Variants in CLUAP1 observed in about 807,000 individuals in gnomAD.
CLUAP1 encodes the protein clusterin-associated protein 1.
Under a neutral mutation model 55.0 loss-of-function variants are expected in CLUAP1, and 50 were observed. That is an observed-to-expected ratio of 0.91 (90% CI 0.72 to 1.15). The LOEUF is 1.15. Ranked by LOEUF, CLUAP1 falls within the 50% of genes most tolerant of loss-of-function variation. CLUAP1 has a pLI of 0.00. For missense variants in CLUAP1, 530 were observed against 507.6 expected (o/e 1.04, Z -0.42); for synonymous variants, 195 against 175.4 (o/e 1.11, Z -0.88).
At chr16:3,502,463 A>C (rs1178497951) in intron 1 of CLUAP1, among the ~76,000 whole-genome samples, 1 of 150,486 alleles carries the variant, frequency 6.6e-6, no homozygotes, top group African/African-American at 2.4e-5. Flanking sequence ...AAAAAAAAGG[A>C]AAGGTAGATG....
Position 3,532,953 on chromosome 16 carries a change from G to T in CLUAP1, c.1092+112G>T, listed in dbSNP as rs746918667. 2.1e-6 allele frequency: 3 copies of T among 1,422,006 alleles called. No individual in the cohort carries two copies. The African/African-American group carries it at 4.2e-5, about 20-fold the overall frequency. The allele number at this position is 1,422,006 out of a possible 1,614,324, so 88.1% of individuals were successfully genotyped here. On this transcript the variant is annotated intron_variant, in intron 11 of 11. Transcript: ENST00000576634. ...CCAGGGAGCCGTCTATGGTCAGCCC[G>T]GCCGTGCCTCGATGCGTGGCAGGGT...
At chr16:3,511,015 C>T (rs1385028356) in intron 4 of CLUAP1, among the ~76,000 whole-genome samples, 3 of 152,112 alleles carry the variant, frequency 2.0e-5, no homozygotes, top group African/African-American at 4.8e-5. Flanking sequence ...ACGGGGGGTC[C>T]AGGAATGAAA....
chr16:3,510,529 G>T (rs1379962169), intron 4 of CLUAP1, among the ~76,000 whole-genome samples: 1 of 152,184 alleles, frequency 6.6e-6, no homozygotes, highest in Admixed American at 6.5e-5. Context: ...ACGGGATGAG[G>T]CATGGGTTGA....
intron 4 of CLUAP1, among the ~76,000 whole-genome samples, chr16:3,512,074 C>T (rs1211807840): frequency 1.3e-5 from 2 of 151,732 alleles, no homozygotes; most frequent in East Asian, 3.9e-4. Flanking sequence ...TAATCCCAGC[C>T]ACTTGGGAGG....
chr16:3,532,833 G>T lies in CLUAP1; in HGVS notation c.1084G>T (p.Asp362Tyr). 2 of 1,614,102 alleles carry T rather than the reference G, an allele frequency of 1.2e-6. No homozygotes were observed. Among genetic ancestry groups the T allele is most frequent in the Non-Finnish European group, 1.7e-6 (2 of 1,179,988 alleles). Residue 362 changes from aspartate (D) to tyrosine (Y), a missense_variant, in exon 11 of 12, where the codon GAT (aspartate) becomes TAT (tyrosine). Physicochemically the swap from Asp to Tyr is radical, Grantham distance 160 (BLOSUM62 -3). Transcript: ENST00000576634. ...GGGCACGATGCAAGGTGGAGACTCC[G>T]ATGACAATGTAAGTCCCCCGCTCCC... ...IVGTMQGGDS[D>Y]DNEDSEESEI...
rs377189683 is a variant in CLUAP1, at chr16:3,536,166, C to G, written c.1137C>G (p.Asp379Glu). Residue 379 changes from aspartate to glutamate, a missense_variant, in exon 12 of 12, where the codon GAC (aspartate) becomes GAG (glutamate). Physicochemically the swap from Asp to Glu is conservative, Grantham distance 45. Coordinates refer to ENST00000576634, the MANE Select transcript of CLUAP1 (RefSeq NM_015041.3). ...ESEIDMEDDD[D>E]EDDDLEDESI... ...AAATTGACATGGAAGATGATGATGACGAGGATGACGATTTGGAAGACGAGA... is the reference window on the plus strand; with the variant it reads ...AAATTGACATGGAAGATGATGATGAGGAGGATGACGATTTGGAAGACGAGA... 43 of 1,614,018 alleles carry G rather than the reference C, an allele frequency of 2.7e-5. No individual in the cohort carries two copies. In the African/African-American group the frequency reaches 4.7e-4, roughly 18 times the overall value.
chr16:3,505,546 C>CAAAA (rs1230388490), intron 2 of CLUAP1, among the ~76,000 whole-genome samples: 1 of 59,616 alleles, frequency 1.7e-5, no homozygotes, highest in African/African-American at 5.3e-5. Context: ...GACTCCGTCT[C>CAAAA]AAAAAAAAAA....
At chr16:3,512,644 T>G (rs1567428122) in intron 5 of CLUAP1, among the ~76,000 whole-genome samples, 166 bp downstream of exon 5, 1 of 152,236 alleles carries the variant, frequency 6.6e-6, no homozygotes, top group African/African-American at 2.4e-5. Context: ...CTGCTTCTGG[T>G]GGGCACTGGT....
intron 4 of CLUAP1, among the ~76,000 whole-genome samples, chr16:3,512,131 A>C (rs1418933437): frequency 6.7e-6 from 1 of 149,300 alleles, no homozygotes; most frequent in African/African-American, 2.5e-5. Flanking sequence ...GATTGCGGTG[A>C]GCCGAGATCG....
intron 9 of CLUAP1, 87 bp from the exon 10 acceptor site, chr16:3,530,481 C>G (rs1202210120): frequency 1.1e-6 from 1 of 885,538 alleles, no homozygotes; most frequent in African/African-American, 1.7e-5. Flanking sequence ...GAACAAATGA[C>G]TTTTGCACAC....
rs747696616 is a variant in CLUAP1 at position 3,506,382 on chromosome 16, A to C, written c.186A>C (p.Arg62=). ...CTGACGTGGATACTGAACAGGACCG[A>C]GTTTTCTTCATTAAGGCAATTGCCC... ...IPPDVDTEQD[R]VFFIKAIAQF... Residue 62 remains arginine, a synonymous_variant, in exon 3 of 12, where the codon CGA becomes CGC. Transcript: ENST00000576634. 3.0e-5 allele frequency: 48 copies of C among 1,613,932 alleles called. No individual in the cohort carries two copies. The highest frequency in any genetic ancestry group is 3.6e-5 in the Non-Finnish European group (42 of 1,179,994).
chr16:3,530,563 G>A lies in CLUAP1; in HGVS notation c.929-5G>A. The A allele has an allele frequency of 6.2e-7, 1 of 1,611,374 alleles. No homozygotes were observed. The stretch of plus-strand genomic sequence containing the variant: ...CTTTGTTTTGCCTGCTTGTGTTCCT[G>A]CTAGGTAACGATGACTCGGACATAG... On this transcript the variant is annotated splice_polypyrimidine_tract_variant and splice_region_variant and intron_variant, in intron 9 of 11. Coordinates refer to ENST00000576634, the MANE Select transcript of CLUAP1 (RefSeq NM_015041.3).
intron 5 of CLUAP1, among the ~76,000 whole-genome samples, chr16:3,512,776 G>C (rs1020963156): frequency 3.3e-5 from 5 of 152,142 alleles, no homozygotes; most frequent in African/African-American, 1.2e-4. Flanking sequence ...CGCCTCCCAG[G>C]TTCACGCCAT....
intron 3 of CLUAP1, 68 bp from the exon 4 acceptor site, chr16:3,508,221 C>T: frequency 7.1e-7 from 1 of 1,410,678 alleles, no homozygotes; most frequent in East Asian, 2.4e-5. Context: ...AACTCACCTA[C>T]ATGGGATTTA....
chr16:3,516,734 G>C (rs78797849), intron 6 of CLUAP1, among the ~76,000 whole-genome samples: 5,808 of 152,226 alleles, frequency 0.038, 303 homozygotes, highest in African/African-American at 0.12. Flanking sequence ...TACACGTAGA[G>C]ACACCCACAC....
chr16:3,517,048 AT>A (rs1473528356), intron 6 of CLUAP1, among the ~76,000 whole-genome samples: 3 of 152,190 alleles, frequency 2.0e-5, no homozygotes, highest in Non-Finnish European at 2.9e-5. Context: ...GCATAAAAAA[AT>A]AAATGAATAT....
intron 6 of CLUAP1, among the ~76,000 whole-genome samples, chr16:3,516,586 G>A (rs8049971): frequency 0.038 from 5,825 of 152,156 alleles, 310 homozygotes; most frequent in African/African-American, 0.12. Flanking sequence ...AGAAAATTAG[G>A]GTGAACTTGA....
intron 4 of CLUAP1, among the ~76,000 whole-genome samples, chr16:3,509,696 C>T (rs2037582354): frequency 6.6e-6 from 1 of 152,220 alleles, no homozygotes; most frequent in South Asian, 2.1e-4. Context: ...ACGCAGGGTA[C>T]GTGAAACCAC....
chr16:3,533,401 TGAA>T (rs1415016421), intron 11 of CLUAP1: 2 of 531,186 alleles, frequency 3.8e-6, no homozygotes, highest in Non-Finnish European at 6.8e-6. Flanking sequence ...CACCTAGAAA[TGAA>T]GGAGGACGCC....
Sources: gnomAD v4.1 joint callset for allele counts (sites outside exome capture counted in the v4.1 genomes callset) on GRCh38, gnomAD v4.1.1 for gene constraint, MANE v1.5 for transcripts, NCBI Gene and HGNC (gene_info 2026-07-23, HGNC 2026-07-21) for gene names.